SLC9A8: variants seen among roughly 807,000 people sequenced by gnomAD.
SLC9A8 encodes the protein solute carrier family 9 member A8.
SLC9A8 carries 48 observed loss-of-function variants against 66.6 expected under a neutral mutation model. The observed-to-expected ratio is 0.72, with a 90% confidence interval of 0.57 to 0.92. SLC9A8 has a LOEUF of 0.92. Among genes scored for constraint, SLC9A8 ranks in the 40% least tolerant of loss-of-function variants. The pLI, the probability that SLC9A8 is intolerant of heterozygous loss-of-function variation, is 0.00. For missense variants in SLC9A8, 599 were observed against 747.3 expected, an observed-to-expected ratio of 0.80 and a Z score of 2.31; for synonymous variants, 274 against 282.6, an observed-to-expected ratio of 0.97 and a Z score of 0.31.
chr20:49,867,252 A>G (rs1453183395), intron 10 of SLC9A8, among the ~76,000 whole-genome samples: 1 of 152,178 alleles, frequency 6.6e-6, no homozygotes, highest in Non-Finnish European at 1.5e-5. Flanking sequence ...TCTTTTAAAA[A>G]CAATTTTTTT....
intron 8 of SLC9A8, among the ~76,000 whole-genome samples, chr20:49,855,829 C>T (rs373324679): frequency 3.2e-4 from 48 of 152,188 alleles, no homozygotes; most frequent in African/African-American, 1.0e-3. Flanking sequence ...CTCGCTCTGT[C>T]ACCCAAGCTG....
intron 10 of SLC9A8, among the ~76,000 whole-genome samples, chr20:49,867,804 G>A (rs1163656181): frequency 6.6e-6 from 1 of 152,204 alleles, no homozygotes; most frequent in African/African-American, 2.4e-5. Context: ...GCAGGACAGT[G>A]TTCTGTGTAG....
intron 12 of SLC9A8, among the ~76,000 whole-genome samples, chr20:49,880,722 A>G (rs1364730756): frequency 6.6e-6 from 1 of 152,178 alleles, no homozygotes; most frequent in Non-Finnish European, 1.5e-5. Flanking sequence ...ATCCTTTCCT[A>G]GATGCATAGA....
At chr20:49,857,812 TG>T (rs2088561575) in intron 8 of SLC9A8, among the ~76,000 whole-genome samples, 1 of 132,270 alleles carries the variant, frequency 7.6e-6, no homozygotes, top group Non-Finnish European at 1.7e-5. Context: ...CCCTAGTTGT[TG>T]TTTTCACCAC....
chr20:49,861,584 A>G (rs2088738462), intron 8 of SLC9A8, among the ~76,000 whole-genome samples: 1 of 152,072 alleles, frequency 6.6e-6, no homozygotes, highest in Non-Finnish European at 1.5e-5. Flanking sequence ...CTGAGTGGAC[A>G]ACGGGGTTGG....
At chr20:49,818,479 ATTTTTTT>A (rs758928369) in intron 2 of SLC9A8, among the ~76,000 whole-genome samples, 6 of 125,030 alleles carry the variant, frequency 4.8e-5, no homozygotes, top group African/African-American at 1.2e-4. Context: ...CAAACATTGA[ATTTTTTT>A]TTTTTTTTTT....
intron 4 of SLC9A8, 108 bp from the exon 5 acceptor site, chr20:49,844,928 C>T: frequency 2.9e-6 from 2 of 682,546 alleles, no homozygotes; most frequent in Non-Finnish European, 5.2e-6. Flanking sequence ...TTATATGTTT[C>T]CACTAGGCCA....
chr20:49,867,611 G>A (rs1488210125), intron 10 of SLC9A8, among the ~76,000 whole-genome samples: 1 of 152,148 alleles, frequency 6.6e-6, no homozygotes, highest in South Asian at 2.1e-4. Context: ...CAGCTTCCCC[G>A]ACTCAACAGG....
intron 2 of SLC9A8, among the ~76,000 whole-genome samples, chr20:49,822,047 A>T (rs2086757482): frequency 6.6e-6 from 1 of 152,114 alleles, no homozygotes; most frequent in Non-Finnish European, 1.5e-5. Flanking sequence ...GTAATCAGAG[A>T]AGATAGTGGT....
intron 3 of SLC9A8, among the ~76,000 whole-genome samples, chr20:49,824,815 C>T (rs952107313): frequency 2.0e-5 from 3 of 152,126 alleles, no homozygotes; most frequent in African/African-American, 7.2e-5. Flanking sequence ...TGGTCTTTGC[C>T]ATCATGTTAA....
chr20:49,828,180 A>G (rs1406703285), intron 3 of SLC9A8, among the ~76,000 whole-genome samples: 1 of 149,038 alleles, frequency 6.7e-6, no homozygotes, highest in Admixed American at 6.8e-5. Context: ...TCCCGGGTTC[A>G]AGTGATTCTC....
chr20:49,860,714 C>G (rs1338451604), intron 8 of SLC9A8, among the ~76,000 whole-genome samples: 5 of 152,038 alleles, frequency 3.3e-5, no homozygotes, highest in African/African-American at 1.2e-4. Context: ...GAGCGAGACT[C>G]CATCTCAAAA....
At chr20:49,845,789 C>G (rs1049169583) in intron 5 of SLC9A8, among the ~76,000 whole-genome samples, 1 of 152,182 alleles carries the variant, frequency 6.6e-6, no homozygotes, top group South Asian at 2.1e-4. Flanking sequence ...TTTGGCTTGG[C>G]CTTGACGGCC....
At chr20:49,817,658 C>G (rs1480738885) in intron 2 of SLC9A8, among the ~76,000 whole-genome samples, 2 of 152,012 alleles carry the variant, frequency 1.3e-5, no homozygotes, top group African/African-American at 4.8e-5. Context: ...ATAATACGGT[C>G]TTTTTATTTG....
rs1458491803 is a variant in SLC9A8 at position 49,883,852 on chromosome 20, G to A, written c.1277G>A (p.Arg426Gln). Residue 426 changes from arginine to glutamine, a missense_variant, in exon 14 of 16, where the codon CGG becomes CAG. Physicochemically the swap from Arg to Gln is conservative, Grantham distance 43. This residue lies in a region of SLC9A8 where 467 missense variants were observed against 626.5 expected (regional missense o/e 0.75). Coordinates refer to ENST00000361573, the MANE Select transcript of SLC9A8 (RefSeq NM_015266.3). ...MMFIMWFSGLRGAIPYALSLH... is the reference protein window; with the variant it reads ...MMFIMWFSGLQGAIPYALSLH... ...ACTGTTTGCTGTCACCCAGGCCTGC[G>A]GGGAGCCATCCCCTATGCCCTGAGC... is the stretch of plus-strand genomic sequence containing the variant. 3 of 1,605,222 alleles carry A rather than the reference G, an allele frequency of 1.9e-6. No homozygotes were observed. Among genetic ancestry groups the A allele is most frequent in the Non-Finnish European group, 2.5e-6 (3 of 1,179,462 alleles).
intron 3 of SLC9A8, among the ~76,000 whole-genome samples, chr20:49,836,446 G>A (rs1016171333): frequency 6.6e-6 from 1 of 152,058 alleles, no homozygotes; most frequent in Non-Finnish European, 1.5e-5. Flanking sequence ...CGATTCTCCT[G>A]CCTCTCCCAA....
Position 49,855,590 on chromosome 20 carries a change from G to A in SLC9A8, c.713+9G>A, listed in dbSNP as rs773830294. 17 of 1,612,676 alleles carry A rather than the reference G, an allele frequency of 1.1e-5. No homozygotes were observed. Among genetic ancestry groups the A allele is most frequent in the African/African-American group, 4.0e-5 (3 of 74,844 alleles). On this transcript the variant is annotated intron_variant, in intron 8 of 15. Coordinates refer to ENST00000361573, the MANE Select transcript of SLC9A8 (RefSeq NM_015266.3). ...TCCATTGTTCTGACCAAGTAAGTAC[G>A]GGGGCAGAGAACAGACTTTTTTCAT...
intron 3 of SLC9A8, chr20:49,830,957 A>G: frequency 1.3e-6 from 1 of 792,912 alleles, no homozygotes; most frequent in Non-Finnish European, 2.3e-6. Context: ...CTGCTTAGCC[A>G]TTGCGCTGGG....
chr20:49,846,715 A>T (rs1318591008), intron 5 of SLC9A8, among the ~76,000 whole-genome samples: 2 of 152,100 alleles, frequency 1.3e-5, no homozygotes, highest in East Asian at 3.8e-4. Flanking sequence ...GGAGTTCAAG[A>T]CCAGTCTGGC....
Sources: allele counts gnomAD v4.1 joint callset (sites outside exome capture counted in the v4.1 genomes callset), GRCh38; gene constraint gnomAD v4.1.1; regional missense constraint gnomAD v4.1.1; transcripts MANE v1.5; gene names NCBI Gene and HGNC (gene_info 2026-07-23, HGNC 2026-07-21).